The following MTOR variants were observed in gnomAD, a reference collection of about 807,000 sequenced individuals.
MTOR encodes the protein mechanistic target of rapamycin kinase.
MTOR carries 70 observed loss-of-function variants against 319.8 expected under a neutral mutation model. The ratio of observed to expected loss-of-function variants is 0.22; its 90% confidence interval spans 0.18 to 0.27. The LOEUF is 0.27. Among genes scored for constraint, MTOR ranks in the 10% least tolerant of loss-of-function variants. The probability of loss-of-function intolerance (pLI) is 1.00; values close to 1 mark genes in which losing one functional copy is unlikely to be tolerated. For synonymous variants in MTOR, 1,183 were observed against 1,211.4 expected (o/e 0.98, Z 0.49); for missense variants, 1,890 against 3,274.4 (o/e 0.58, Z 10.32).
At chr1:11,246,528 C>T (rs1042022048) in intron 8 of MTOR, among the ~76,000 whole-genome samples, 1 of 152,192 alleles carries the variant, frequency 6.6e-6, no homozygotes, top group African/African-American at 2.4e-5. Context: ...ATTGTCATGT[C>T]CTCACCCAAC....
rs776615427 is a variant in MTOR at position 11,209,262 on chromosome 1, T to C, written c.3801+50A>G. 3.7e-6 allele frequency: 6 copies of C among 1,610,106 alleles called. 1 individual carries two copies. The highest frequency in any genetic ancestry group is 5.1e-6 in the Non-Finnish European group (6 of 1,177,458). Reference sequence around the variant, plus strand: ...TAAACAGTTAAAAGTTTTGAGTAAGTGAGAAGAGCAGAGCTCTCCTTTCCC... The same window carrying C: ...TAAACAGTTAAAAGTTTTGAGTAAGCGAGAAGAGCAGAGCTCTCCTTTCCC... On this transcript the variant is annotated intron_variant, in intron 25 of 57. Coordinates refer to ENST00000361445, the MANE Select transcript of MTOR (RefSeq NM_004958.4).
chr1:11,262,141 CAAAA>C (rs1288923471), intron 1 of MTOR, among the ~76,000 whole-genome samples: 1 of 152,136 alleles, frequency 6.6e-6, no homozygotes, highest in Non-Finnish European at 1.5e-5. Flanking sequence ...ATACGTGGCT[CAAAA>C]GAAAGGGTGG....
intron 47 of MTOR, among the ~76,000 whole-genome samples, chr1:11,123,117 C>T (rs1642629637): frequency 6.6e-6 from 1 of 152,074 alleles, no homozygotes; most frequent in Non-Finnish European, 1.5e-5. Flanking sequence ...CTCCAGTCTA[C>T]CCGCCACAAA....
rs747640639 is a variant in MTOR, at chr1:11,139,450, A to C, written c.4999-15T>G. On this transcript the variant is annotated splice_polypyrimidine_tract_variant and intron_variant, in intron 35 of 57. Coordinates refer to ENST00000361445, the MANE Select transcript of MTOR (RefSeq NM_004958.4). Reference sequence around the variant, plus strand: ...TGAGCAAGAGCCTTAAAAATAAGAGAAACTGGGTTATAGACAGAACTGGAC... The same window carrying C: ...TGAGCAAGAGCCTTAAAAATAAGAGCAACTGGGTTATAGACAGAACTGGAC... The C allele has an allele frequency of 2.5e-6, 4 of 1,613,990 alleles. No homozygotes were observed. Among genetic ancestry groups the C allele is most frequent in the Non-Finnish European group, 3.4e-6 (4 of 1,179,984 alleles).
rs200566948 is a variant in MTOR at position 11,194,907 on chromosome 1, C to T, written c.4253+4351G>A. ...CTCCAACCTCAATGGAGTGTACTAC[C>T]GCCTGGGTGAGCACAATAAGCACCT... is the stretch of plus-strand genomic sequence containing the variant. On this transcript the variant is annotated intron_variant, in intron 28 of 57. Transcript: ENST00000361445. 34 of 1,614,008 alleles carry T rather than the reference C, an allele frequency of 2.1e-5. No individual in the cohort carries two copies. The highest frequency in any genetic ancestry group is 6.7e-5 in the African/African-American group (5 of 74,884).
chr1:11,114,981 C>A (rs1017359504), intron 51 of MTOR, 94 bp from the exon 52 acceptor site: 1 of 1,028,062 alleles, frequency 9.7e-7, no homozygotes, highest in Non-Finnish European at 1.5e-6. Flanking sequence ...ATCACCTGCA[C>A]TGATTTTAAT....
intron 46 of MTOR, among the ~76,000 whole-genome samples, chr1:11,125,521 G>T (rs557205470): frequency 6.7e-6 from 1 of 150,322 alleles, no homozygotes; most frequent in Non-Finnish European, 1.5e-5. Flanking sequence ...ACCTCAGGTC[G>T]GGAGTTTGAG....
chr1:11,143,274 A>AG (rs1643801657), intron 34 of MTOR, among the ~76,000 whole-genome samples: 1 of 152,206 alleles, frequency 6.6e-6, no homozygotes, highest in Non-Finnish European at 1.5e-5. Flanking sequence ...TCCTGGACCC[A>AG]GTAAAGTCAG....
chr1:11,238,805 C>A (rs1376862420), intron 11 of MTOR, among the ~76,000 whole-genome samples, 188 bp from the exon 12 acceptor site: 1 of 151,804 alleles, frequency 6.6e-6, no homozygotes, highest in Admixed American at 6.6e-5. Context: ...CTCTGTCGCC[C>A]AGGCTGGAGT....
At chr1:11,108,398 G>A in intron 56 of MTOR, 112 bp from the exon 57 acceptor site, 1 of 850,794 alleles carries the variant, frequency 1.2e-6, no homozygotes. Context: ...ACATGAAGAT[G>A]AAGGATACCA....
chr1:11,169,544 G>A (rs893322284), intron 28 of MTOR, among the ~76,000 whole-genome samples: 3 of 152,184 alleles, frequency 2.0e-5, no homozygotes, highest in Non-Finnish European at 4.4e-5. Flanking sequence ...TAACAAGTTT[G>A]AGGGAGACAC....
intron 23 of MTOR, among the ~76,000 whole-genome samples, chr1:11,211,129 C>T (rs1225987272): frequency 6.6e-6 from 1 of 152,184 alleles, no homozygotes; most frequent in East Asian, 1.9e-4. Context: ...TTTGCTTCTG[C>T]CCTTGCCCCC....
chr1:11,186,666 A>G (rs1645331202), intron 28 of MTOR, among the ~76,000 whole-genome samples: 1 of 152,196 alleles, frequency 6.6e-6, no homozygotes, highest in South Asian at 2.1e-4. Flanking sequence ...AGAAGGCAAT[A>G]CCATTTTAGT....
chr1:11,249,709 A>T (rs1470087626), intron 6 of MTOR, among the ~76,000 whole-genome samples: 32 of 141,904 alleles, frequency 2.3e-4, no homozygotes, highest in Non-Finnish European at 4.9e-4. Context: ...GACACAGCAC[A>T]TGTTTCAGAG....
chr1:11,200,968 T>A (rs1388161291), intron 26 of MTOR, among the ~76,000 whole-genome samples: 1 of 148,380 alleles, frequency 6.7e-6, no homozygotes, highest in Non-Finnish European at 1.5e-5. Flanking sequence ...TGAGCCAAGA[T>A]CACACCACTG....
intron 26 of MTOR, among the ~76,000 whole-genome samples, chr1:11,204,275 T>C (rs372430616): frequency 6.6e-6 from 1 of 152,212 alleles, no homozygotes; most frequent in Non-Finnish European, 1.5e-5. Flanking sequence ...TTATTGGAAA[T>C]AGGTTACATT....
intron 29 of MTOR, among the ~76,000 whole-genome samples, chr1:11,161,234 C>G (rs970173108): frequency 3.3e-5 from 5 of 152,142 alleles, no homozygotes; most frequent in African/African-American, 1.2e-4. Flanking sequence ...ACGAGGCTGG[C>G]GGAGGGGTGC....
In MTOR at chr1:11,139,595, G is replaced by A. The variant is rs774868805; in HGVS notation, c.4936C>T (p.Pro1646Ser). Reference protein sequence around the residue: ...ILMVRSLVVSPHEDMRTWLKY... With the variant: ...ILMVRSLVVSSHEDMRTWLKY... Reference sequence around the variant, plus strand: ...AGCCAGGTTCTCATGTCTTCATGAGGGCTGACCACAAGGGACCGCACCATA... The same window carrying A: ...AGCCAGGTTCTCATGTCTTCATGAGAGCTGACCACAAGGGACCGCACCATA... Residue 1646 changes from proline to serine, a missense_variant, in exon 35 of 58, where the codon CCT becomes TCT. Transcript: ENST00000361445. The A allele has an allele frequency of 2.5e-6, 4 of 1,614,166 alleles. No individual in the cohort carries two copies. The highest frequency in any genetic ancestry group is 1.7e-5 in the Admixed American group (1 of 60,020).
At position 11,213,489 on chromosome 1, in the gene MTOR, A is replaced by G. The variant is rs567553236; in HGVS notation, c.3195T>C (p.Gly1065=). 2.9e-5 allele frequency: 47 copies of G among 1,613,926 alleles called. No individual in the cohort carries two copies. Among genetic ancestry groups the G allele is most frequent in the Non-Finnish European group, 4.0e-5 (47 of 1,179,992 alleles). Residue 1065 remains glycine (G), a synonymous_variant, in exon 21 of 58, where the codon GGT becomes GGC. Transcript: ENST00000361445. ...GCTGGGGCAGGTAGAGCTTAAATTCACCCCCAAGAGCTACCACAATTTGCT... is the reference window on the plus strand; with the variant it reads ...GCTGGGGCAGGTAGAGCTTAAATTCGCCCCCAAGAGCTACCACAATTTGCT... The part of the protein sequence containing the change: ...LIEQIVVALG[G]EFKLYLPQLI...
Sources: gnomAD v4.1 joint callset for allele counts (sites outside exome capture counted in the v4.1 genomes callset) on GRCh38, gnomAD v4.1.1 for gene constraint, MANE v1.5 for transcripts, NCBI Gene and HGNC (gene_info 2026-07-23, HGNC 2026-07-21) for gene names.